The following FHIP1A variants were observed in gnomAD, a reference collection of about 807,000 sequenced individuals.
FHIP1A encodes the protein FHF complex subunit HOOK-interacting protein 1A.
FHIP1A carries 61 observed loss-of-function variants against 88.6 expected under a neutral mutation model. The observed-to-expected ratio is 0.69, with a 90% confidence interval of 0.56 to 0.85. The LOEUF (loss-of-function observed/expected upper bound fraction) is 0.85. Ranked by LOEUF, FHIP1A falls within the 40% of genes least tolerant of loss-of-function variation. FHIP1A has a pLI of 0.00. For synonymous variants in FHIP1A, 478 were observed against 496.0 expected, an observed-to-expected ratio of 0.96 and a Z score of 0.48; for missense variants, 1,154 against 1,273.5, an observed-to-expected ratio of 0.91 and a Z score of 1.43.
At chr4:151,563,543 G>A (rs961474386) in intron 3 of FHIP1A, among the ~76,000 whole-genome samples, 1 of 152,188 alleles carries the variant, frequency 6.6e-6, no homozygotes, top group Admixed American at 6.5e-5. Flanking sequence ...AAGGAGAAAC[G>A]TCTGATGATG....
chr4:151,431,693 T>C (rs1351742608), intron 1 of FHIP1A, among the ~76,000 whole-genome samples: 1 of 152,230 alleles, frequency 6.6e-6, no homozygotes, highest in East Asian at 1.9e-4. Context: ...TGAGAATTAA[T>C]ACTTTCTAAA....
At chr4:151,538,851 A>G (rs529554754) in intron 3 of FHIP1A, among the ~76,000 whole-genome samples, 5 of 152,340 alleles carry the variant, frequency 3.3e-5, no homozygotes, top group African/African-American at 1.2e-4. Flanking sequence ...AAAATAAAAC[A>G]TAAATCTGTG....
At chr4:151,560,322 T>G (rs924953244) in intron 3 of FHIP1A, among the ~76,000 whole-genome samples, 1 of 152,184 alleles carries the variant, frequency 6.6e-6, no homozygotes, top group Non-Finnish European at 1.5e-5. Flanking sequence ...TAATTCTGAT[T>G]GACAAAACTG....
intron 3 of FHIP1A, among the ~76,000 whole-genome samples, chr4:151,523,945 C>T (rs1423858161): frequency 6.6e-6 from 1 of 152,172 alleles, no homozygotes; most frequent in East Asian, 1.9e-4. Flanking sequence ...TGATGCCATC[C>T]AAGCCAACAG....
At position 151,587,627 on chromosome 4, in the gene FHIP1A, A is replaced by G. The variant is rs549284465; in HGVS notation, c.891+828A>G. ...GGTGTGCTGCACCCATTAACTTATC[A>G]TTTAGCATTAGGTATATCTCCTAAG... is the stretch of plus-strand genomic sequence containing the variant. On this transcript the variant is annotated intron_variant, in intron 6 of 13. Transcript: ENST00000435205. 4.6e-5 allele frequency among the ~76,000 whole-genome samples: 7 copies of G among 151,854 alleles called. No individual in the cohort carries two copies. The East Asian group carries it at 7.8e-4, about 17-fold the overall frequency.
At chr4:151,515,780 C>G (rs1282969987) in intron 3 of FHIP1A, among the ~76,000 whole-genome samples, 7 of 151,900 alleles carry the variant, frequency 4.6e-5, no homozygotes, top group Non-Finnish European at 1.0e-4. Flanking sequence ...CTACAAACCA[C>G]TGCTCAAGGA....
chr4:151,660,446 T>C (rs893530519), intron 13 of FHIP1A, among the ~76,000 whole-genome samples: 4 of 152,000 alleles, frequency 2.6e-5, no homozygotes, highest in African/African-American at 9.7e-5. Flanking sequence ...TGAAGGAGAA[T>C]GGGGAGAGGA....
intron 7 of FHIP1A, among the ~76,000 whole-genome samples, chr4:151,602,893 T>G (rs947893913): frequency 6.6e-6 from 1 of 152,124 alleles, no homozygotes; most frequent in African/African-American, 2.4e-5. Context: ...AGATAAGGGA[T>G]TGTCCTGCTT....
Position 151,578,081 on chromosome 4 carries a change from G to A in FHIP1A, c.732+5G>A, listed in dbSNP as rs1283072254. On this transcript the variant is annotated splice_donor_5th_base_variant and intron_variant, in intron 5 of 13. Transcript: ENST00000435205. ...GAGAACACCTACTTTTGTCCAGTAA[G>A]TCTCTTTCCTTGGCATGTTTTCCAC... 3 of 1,545,138 alleles carry A rather than the reference G, an allele frequency of 1.9e-6. No individual in the cohort carries two copies. Among genetic ancestry groups the A allele is most frequent in the Non-Finnish European group, 2.6e-6 (3 of 1,144,000 alleles).
intron 11 of FHIP1A, 115 bp downstream of exon 11, chr4:151,650,707 C>A (rs1736999869): frequency 1.1e-5 from 14 of 1,331,604 alleles, no homozygotes; most frequent in African/African-American, 3.0e-5. Context: ...TAACAGAGGG[C>A]TGCAAATATT....
intron 1 of FHIP1A, among the ~76,000 whole-genome samples, chr4:151,410,350 G>C (rs1036571599): frequency 6.6e-6 from 1 of 152,128 alleles, no homozygotes; most frequent in African/African-American, 2.4e-5. Context: ...TTCAGGAGGA[G>C]GAGTAAACAA....
intron 1 of FHIP1A, among the ~76,000 whole-genome samples, chr4:151,429,834 G>A (rs1472013032): frequency 1.5e-5 from 2 of 130,142 alleles, no homozygotes; most frequent in African/African-American, 6.2e-5. Flanking sequence ...GGGCGACAGA[G>A]TGAGACTCTA....
chr4:151,586,771 C>G lies in FHIP1A; in HGVS notation c.863C>G (p.Ser288Cys). 1 of 1,550,698 alleles carries G rather than the reference C, an allele frequency of 6.4e-7. No individual in the cohort carries two copies. The highest frequency in any genetic ancestry group is 8.7e-7 in the Non-Finnish European group (1 of 1,146,262). ...CCTTCTCTTGTCCAGTTCATGAACT[C>G]CCTGGAGTTTTGCAATGCAGTCATA... ...LLPSLVQFMN[S>C]LEFCNAVIQV... The change falls in exon 6 of 14, where the codon TCC (serine) becomes TGC (cysteine). Residue 288 changes from serine (S) to cysteine (C), a missense_variant. By Grantham distance (112) the Ser-to-Cys change is moderately radical (BLOSUM62 -1). Coordinates refer to ENST00000435205, the MANE Select transcript of FHIP1A (RefSeq NM_001109977.3).
At chr4:151,629,323 A>C (rs1343019623) in intron 7 of FHIP1A, among the ~76,000 whole-genome samples, 2 of 152,226 alleles carry the variant, frequency 1.3e-5, no homozygotes, top group African/African-American at 2.4e-5. Context: ...CTAATAAAGA[A>C]ACAAGTTATT....
intron 9 of FHIP1A, among the ~76,000 whole-genome samples, chr4:151,644,376 G>T (rs1351116852): frequency 1.3e-5 from 2 of 151,486 alleles, no homozygotes; most frequent in African/African-American, 2.4e-5. Context: ...TTTAGAGACA[G>T]GCTCTCACTC....
chr4:151,499,286 T>C (rs183010110), intron 3 of FHIP1A, among the ~76,000 whole-genome samples: 2 of 152,280 alleles, frequency 1.3e-5, no homozygotes, highest in African/African-American at 4.8e-5. Flanking sequence ...AGCTCTGAAG[T>C]CTGTTCTGTC....
At chr4:151,533,705 T>C (rs1475323589) in intron 3 of FHIP1A, among the ~76,000 whole-genome samples, 2 of 152,250 alleles carry the variant, frequency 1.3e-5, no homozygotes, top group Non-Finnish European at 2.9e-5. Flanking sequence ...CCATTTACCC[T>C]GAATTCAAGA....
intron 3 of FHIP1A, among the ~76,000 whole-genome samples, chr4:151,551,441 A>G (rs1315426409): frequency 1.3e-5 from 2 of 152,234 alleles, no homozygotes; most frequent in Non-Finnish European, 2.9e-5. Flanking sequence ...CTATACTATA[A>G]GGCTACAGTA....
chr4:151,608,279 A>C (rs1286218779), intron 7 of FHIP1A, among the ~76,000 whole-genome samples: 1 of 151,848 alleles, frequency 6.6e-6, no homozygotes, highest in East Asian at 1.9e-4. Context: ...TCCTGACCTC[A>C]AGTGATCCAC....
Sources: gnomAD v4.1 joint callset for allele counts (sites outside exome capture counted in the v4.1 genomes callset) on GRCh38, gnomAD v4.1.1 for gene constraint, MANE v1.5 for transcripts, NCBI Gene and HGNC (gene_info 2026-07-23, HGNC 2026-07-21) for gene names.